Variants in CEACAM20 observed in about 807,000 individuals in gnomAD.
CEACAM20 encodes the protein CEA cell adhesion molecule 20.
A neutral mutation model predicts 61.2 loss-of-function variants in CEACAM20; 50 were observed. The observed-to-expected ratio is 0.82, with a 90% confidence interval of 0.65 to 1.03. The LOEUF is 1.03. Among genes scored for constraint, CEACAM20 ranks in the 50% least tolerant of loss-of-function variants. CEACAM20 has a pLI of 0.00. For missense variants in CEACAM20, 683 were observed against 736.4 expected (o/e 0.93, Z 0.84); for synonymous variants, 282 against 287.7 (o/e 0.98, Z 0.20).
intron 11 of CEACAM20, among the ~76,000 whole-genome samples, chr19:44,510,552 GAAAGAAAGAAAGAAAGAAA>G (rs1970945925): frequency 4.6e-5 from 1 of 21,550 alleles, no homozygotes; most frequent in Non-Finnish European, 8.0e-5. Flanking sequence ...AGGAAGGAAA[GAAAGAAAGAAAGAAAGAAA>G]GAAAGAAAGA....
At chr19:44,518,272 T>C (rs1456907171) in intron 5 of CEACAM20, among the ~76,000 whole-genome samples, 2 of 149,414 alleles carry the variant, frequency 1.3e-5, no homozygotes, top group Admixed American at 6.7e-5. Context: ...AGGAGGGAAA[T>C]TGTGGCTGCG....
chr19:44,522,061 G>C (rs1175390974), intron 4 of CEACAM20, among the ~76,000 whole-genome samples: 1 of 151,982 alleles, frequency 6.6e-6, no homozygotes, highest in Non-Finnish European at 1.5e-5. Context: ...AATCCCCCTG[G>C]GTCCTCCTCA....
At chr19:44,519,462 T>A (rs774276038) in intron 5 of CEACAM20, among the ~76,000 whole-genome samples, 1 of 152,166 alleles carries the variant, frequency 6.6e-6, no homozygotes, top group South Asian at 2.1e-4. Flanking sequence ...CCTACCTCTG[T>A]GTTCCCTACT....
intron 2 of CEACAM20, among the ~76,000 whole-genome samples, chr19:44,524,861 G>T (rs1045425451): frequency 2.6e-5 from 4 of 151,638 alleles, no homozygotes; most frequent in Non-Finnish European, 5.9e-5. Flanking sequence ...AATGGCAGGT[G>T]TAAGGAACTG....
intron 1 of CEACAM20, among the ~76,000 whole-genome samples, chr19:44,529,168 C>T (rs11667885): frequency 0.56 from 84,074 of 151,276 alleles, 25,869 homozygotes; most frequent in East Asian, 0.83. Context: ...GTTTGCCATG[C>T]TGGCCAGGCT....
intron 11 of CEACAM20, among the ~76,000 whole-genome samples, chr19:44,507,255 A>C (rs1414153711): frequency 6.6e-6 from 1 of 152,178 alleles, no homozygotes; most frequent in African/African-American, 2.4e-5. Context: ...CCGACTAATA[A>C]TAGGAAACAA....
At chr19:44,517,318 TA>T in intron 5 of CEACAM20, 94 bp from the exon 6 acceptor site, 1 of 1,447,506 alleles carries the variant, frequency 6.9e-7, no homozygotes, top group Non-Finnish European at 9.4e-7. Flanking sequence ...TTCAGTAAAA[TA>T]AACAGAACAT....
chr19:44,513,289 C>A lies in CEACAM20; in HGVS notation c.1310G>T (p.Gly437Val). 6.2e-7 allele frequency: 1 copy of A among 1,607,276 alleles called. No individual in the cohort carries two copies. Among genetic ancestry groups the A allele is most frequent in the Non-Finnish European group, 8.5e-7 (1 of 1,174,080 alleles). ...RSTSVLVKVV[G>V]PQSSSLSSGA... ...TGAGGACAGGGAGGAGGACTGGGGA[C>A]CTGGGCAAGGAGACAGAATCAAGAC... Residue 437 changes from glycine to valine, a missense_variant and splice_region_variant, in exon 7 of 12, where the codon GGT becomes GTT. Transcript: ENST00000614924.
intron 11 of CEACAM20, 60 bp from the exon 12 acceptor site, chr19:44,506,274 A>G: frequency 6.8e-7 from 1 of 1,475,330 alleles, no homozygotes. Flanking sequence ...CAGTCTACTC[A>G]CTGTAGTCTG....
intron 6 of CEACAM20, among the ~76,000 whole-genome samples, chr19:44,513,549 A>G (rs1349857180): frequency 7.2e-6 from 1 of 139,312 alleles, no homozygotes; most frequent in Non-Finnish European, 1.5e-5. Flanking sequence ...TGATCCTCCC[A>G]CCTCAGCCTC....
In CEACAM20 at chr19:44,511,655, A is replaced by G. The variant is rs746781131; in HGVS notation, c.1593T>C (p.Leu531=). The change falls in exon 10 of 12, where the codon CTT becomes CTC. Residue 531 remains leucine (L), a synonymous_variant. Transcript: ENST00000614924. ...IRVELMQPPD[L]PEETYETKLP... is the part of the protein sequence containing the mutation. ...AATGTACCTCATAGGTCTCCTCTGG[A>G]AGGTCTGGTGGTTGCATCTGGGGAA... 4 of 1,612,946 alleles carry G rather than the reference A, an allele frequency of 2.5e-6. No homozygotes were observed. The highest frequency in any genetic ancestry group is 3.4e-6 in the Non-Finnish European group (4 of 1,179,602).
intron 1 of CEACAM20, among the ~76,000 whole-genome samples, chr19:44,526,320 G>T (rs1971527420): frequency 2.0e-5 from 3 of 151,966 alleles, no homozygotes; most frequent in Admixed American, 2.0e-4. Flanking sequence ...ACCAGCCTGG[G>T]CAACATAGTG....
Position 44,529,554 on chromosome 19 carries a change from C to A in CEACAM20, c.-45G>T. 5 of 1,585,490 alleles carry A rather than the reference C, an allele frequency of 3.2e-6. No homozygotes were observed. In the South Asian group the frequency reaches 4.4e-5, roughly 14 times the overall value. Reference sequence around the variant, plus strand: ...CAGTGTGCCAGGCCGTCTGTCGCCCCGGCTTGCACACACAGATACAGTCCT... The same window carrying A: ...CAGTGTGCCAGGCCGTCTGTCGCCCAGGCTTGCACACACAGATACAGTCCT... On this transcript the variant is annotated 5_prime_UTR_variant, in exon 1 of 12. Coordinates refer to ENST00000614924, the MANE Select transcript of CEACAM20 (RefSeq NM_001102597.3).
At chr19:44,518,843 A>G (rs1971270242) in intron 5 of CEACAM20, among the ~76,000 whole-genome samples, 1 of 151,624 alleles carries the variant, frequency 6.6e-6, no homozygotes, top group African/African-American at 2.4e-5. Context: ...AAGTCTTCCT[A>G]AGTACTAAAG....
chr19:44,508,669 C>T (rs551491404), intron 11 of CEACAM20, among the ~76,000 whole-genome samples: 22 of 152,248 alleles, frequency 1.4e-4, no homozygotes, highest in African/African-American at 4.8e-4. Flanking sequence ...GGATTACAGG[C>T]GTGAGCCACC....
At chr19:44,513,141 C>A in intron 7 of CEACAM20, 31 bp downstream of exon 7, 1 of 1,552,320 alleles carries the variant, frequency 6.4e-7, no homozygotes. Flanking sequence ...ACATCCCCAT[C>A]CCCATCCCCC....
intron 3 of CEACAM20, among the ~76,000 whole-genome samples, chr19:44,523,438 AATGAATG>A (rs1971431499): frequency 6.6e-6 from 1 of 152,116 alleles, no homozygotes; most frequent in Non-Finnish European, 1.5e-5. Flanking sequence ...TGAATGAATG[AATGAATG>A]AATAAAGTGA....
At chr19:44,521,282 G>A (rs956461507) in intron 4 of CEACAM20, among the ~76,000 whole-genome samples, 3 of 151,944 alleles carry the variant, frequency 2.0e-5, no homozygotes, top group Admixed American at 6.6e-5. Flanking sequence ...TATGGTATAT[G>A]GTGTGTTTTC....
chr19:44,524,295 A>C (rs548240701), intron 2 of CEACAM20, 34 bp from the exon 3 acceptor site: 2 of 1,591,080 alleles, frequency 1.3e-6, no homozygotes, highest in East Asian at 2.2e-5. Flanking sequence ...AGGCAGAGAC[A>C]CAGGTAGAGG....
Sources: allele counts gnomAD v4.1 joint callset (sites outside exome capture counted in the v4.1 genomes callset), GRCh38; gene constraint gnomAD v4.1.1; transcripts MANE v1.5; gene names NCBI Gene and HGNC (gene_info 2026-07-23, HGNC 2026-07-21).